Variants in TACC2 observed in about 807,000 individuals in gnomAD.
TACC2 encodes the protein transforming acidic coiled-coil containing protein 2.
In TACC2, 137 loss-of-function variants were observed where a neutral mutation model predicts 227.3. That is an observed-to-expected ratio of 0.60 (90% CI 0.52 to 0.69). The LOEUF (loss-of-function observed/expected upper bound fraction) is 0.69. Ranked by LOEUF, TACC2 falls within the 30% of genes least tolerant of loss-of-function variation. The probability of loss-of-function intolerance (pLI) is 0.00; values close to 1 mark genes in which losing one functional copy is unlikely to be tolerated. For synonymous variants in TACC2, 1,523 were observed against 1,487.5 expected (o/e 1.02, Z -0.55); for missense variants, 3,470 against 3,694.4 (o/e 0.94, Z 1.57).
intron 6 of TACC2, among the ~76,000 whole-genome samples, chr10:122,133,950 G>T (rs2138905374): frequency 6.6e-6 from 1 of 152,318 alleles, no homozygotes; most frequent in South Asian, 2.1e-4. Flanking sequence ...CAGGGACCTG[G>T]GGGCTGGCCC....
intron 3 of TACC2, among the ~76,000 whole-genome samples, chr10:122,073,106 C>CAAAAAAAAA (rs1164376721): frequency 1.5e-4 from 3 of 19,422 alleles, no homozygotes; most frequent in African/African-American, 2.3e-4. Context: ...GACTCTGTCT[C>CAAAAAAAAA]AAAAAAAAAA....
Position 122,083,873 on chromosome 10 carries a change from A to G in TACC2, c.1373A>G (p.Lys458Arg). ...ATGCCAGTTTCTGCAGATGCAGCCA[A>G]AGAGGTGGTGGATGCAGGGTTGGTG... ...AGMPVSADAA[K>R]EVVDAGLVGL... The change falls in exon 4 of 23, where the codon AAA (lysine) becomes AGA (arginine). Residue 458 changes from lysine (K) to arginine (R), a missense_variant. Around this residue, in one of 10 missense-constraint regions of TACC2, gnomAD observed 1,924 missense variants for 1,978.3 expected, o/e 0.97. Coordinates refer to ENST00000369005, the MANE Select transcript of TACC2 (RefSeq NM_206862.4). 1.9e-6 allele frequency: 3 copies of G among 1,614,146 alleles called. No homozygotes were observed. The highest frequency in any genetic ancestry group is 2.5e-6 in the Non-Finnish European group (3 of 1,180,024).
intron 3 of TACC2, among the ~76,000 whole-genome samples, chr10:122,069,029 G>T (rs1227604216): frequency 1.0e-5 from 1 of 99,916 alleles, no homozygotes; most frequent in Non-Finnish European, 2.1e-5. Flanking sequence ...CTTACCTTAG[G>T]GGGTTTCTAC....
At chr10:122,003,744 C>A (rs1288970957) in intron 1 of TACC2, among the ~76,000 whole-genome samples, 1 of 152,038 alleles carries the variant, frequency 6.6e-6, no homozygotes, top group African/African-American at 2.4e-5. Flanking sequence ...CGAGCTCTGC[C>A]TCCCGGGTTC....
At chr10:122,160,095 A>G (rs1029506122) in intron 7 of TACC2, among the ~76,000 whole-genome samples, 11 of 152,228 alleles carry the variant, frequency 7.2e-5, no homozygotes, top group Admixed American at 1.3e-4. Context: ...TCACAAAGTA[A>G]TGTGAGAATA....
chr10:122,192,892 G>A lies in TACC2; in HGVS notation c.5835-2148G>A. 1.2e-5 allele frequency: 5 copies of A among 411,666 alleles called. No homozygotes were observed. In the Admixed American group the frequency reaches 1.2e-4, roughly 10 times the overall value. The allele number at this position is 411,666 out of a possible 1,614,324, so 25.5% of individuals were successfully genotyped here. A position where few individuals can be genotyped will look rare whatever the true frequency, so the allele number is the denominator to read the frequency against. On this transcript the variant is annotated intron_variant, in intron 7 of 22. Transcript: ENST00000369005. ...CTGGGTTCCCGGGGCAGCACCCGGGGCAGCACCCAGGGCTCGCCAGGCTGA... is the reference window on the plus strand; with the variant it reads ...CTGGGTTCCCGGGGCAGCACCCGGGACAGCACCCAGGGCTCGCCAGGCTGA...
Position 122,195,159 on chromosome 10 carries a change from C to T in TACC2, c.5954C>T (p.Pro1985Leu). 6.2e-7 allele frequency: 1 copy of T among 1,611,806 alleles called. No homozygotes were observed. Among genetic ancestry groups the T allele is most frequent in the Non-Finnish European group, 8.5e-7 (1 of 1,178,578 alleles). ...CCAGAACCCGAGGTCAGCACACAGC[C>T]ACCCCCGGAAGAACCAGGTAACCAA... ...VIPEPEVSTQ[P>L]PPEEPGCGSE... The change falls in exon 8 of 23, where the codon CCA becomes CTA. Residue 1985 changes from proline (P) to leucine (L), a missense_variant. Pro to Leu is a moderately conservative substitution (Grantham distance 98, BLOSUM62 -3). Coordinates refer to ENST00000369005, the MANE Select transcript of TACC2 (RefSeq NM_206862.4).
At chr10:122,152,266 C>T (rs1204427957) in intron 7 of TACC2, among the ~76,000 whole-genome samples, 1 of 152,164 alleles carries the variant, frequency 6.6e-6, no homozygotes, top group Non-Finnish European at 1.5e-5. Flanking sequence ...GCCTGCCTTT[C>T]TTGGGTTTAG....
chr10:122,039,990 T>C (rs975512607), intron 2 of TACC2, among the ~76,000 whole-genome samples: 4 of 152,114 alleles, frequency 2.6e-5, no homozygotes, highest in African/African-American at 9.7e-5. Context: ...CCCAGCCCCT[T>C]GTGGGTGCCT....
intron 7 of TACC2, among the ~76,000 whole-genome samples, chr10:122,160,005 T>C (rs1049333292): frequency 2.0e-5 from 3 of 152,216 alleles, no homozygotes; most frequent in Non-Finnish European, 4.4e-5. Context: ...TCTGTGGGAC[T>C]GAAGAGGCTG....
rs115880388 is a variant in TACC2 at position 122,226,451 on chromosome 10, G to A, written c.7694G>A (p.Arg2565His). 6.8e-6 allele frequency: 11 copies of A among 1,613,828 alleles called. No homozygotes were observed. The highest frequency in any genetic ancestry group is 4.0e-5 in the African/African-American group (3 of 75,026). Residue 2565 changes from arginine (R) to histidine (H), a missense_variant, in exon 13 of 23, where the codon CGC becomes CAC. Around this residue, in one of 10 missense-constraint regions of TACC2, gnomAD observed 345 missense variants for 354.4 expected, o/e 0.97. Coordinates refer to ENST00000369005, the MANE Select transcript of TACC2 (RefSeq NM_206862.4). ...QESPVKSSPV[R>H]MSESPTPCSG... ...AGCCCTGTCAAGTCATCTCCCGTCC[G>A]CATGTCAGAGTCCCCGACGCCGTGT...
intron 2 of TACC2, among the ~76,000 whole-genome samples, chr10:122,029,788 G>A (rs1318545683): frequency 6.6e-6 from 1 of 152,026 alleles, no homozygotes; most frequent in Non-Finnish European, 1.5e-5. Context: ...TTGGCCTTTA[G>A]TCCTGCTCAT....
intron 7 of TACC2, among the ~76,000 whole-genome samples, chr10:122,155,600 G>A (rs958904257): frequency 2.6e-5 from 4 of 152,168 alleles, no homozygotes; most frequent in Non-Finnish European, 5.9e-5. Flanking sequence ...GGTTTAGAAT[G>A]GAACTGGGCT....
intron 1 of TACC2, among the ~76,000 whole-genome samples, chr10:122,000,888 T>A (rs1199525608): frequency 6.6e-6 from 1 of 152,206 alleles, no homozygotes; most frequent in Non-Finnish European, 1.5e-5. Context: ...AGTCATGTGA[T>A]CTTGGCTCAC....
intron 3 of TACC2, among the ~76,000 whole-genome samples, chr10:122,063,353 C>A (rs557082563): frequency 1.1e-4 from 17 of 152,308 alleles, no homozygotes; most frequent in African/African-American, 3.1e-4. Context: ...GAGCAGCCTC[C>A]GCCCCTCCTT....
At chr10:122,031,084 A>G (rs1440478950) in intron 2 of TACC2, among the ~76,000 whole-genome samples, 1 of 152,142 alleles carries the variant, frequency 6.6e-6, no homozygotes, top group Non-Finnish European at 1.5e-5. Context: ...TGGCCTGGCC[A>G]TTTAGCCTTC....
rs768766027 is a variant in TACC2 at position 122,084,049 on chromosome 10, C to G, written c.1549C>G (p.Pro517Ala). Residue 517 changes from proline (P) to alanine (A), a missense_variant, in exon 4 of 23, where the codon CCT becomes GCT. Physicochemically the swap from Pro to Ala is conservative, Grantham distance 27. Around this residue, in one of 10 missense-constraint regions of TACC2, gnomAD observed 1,924 missense variants for 1,978.3 expected, o/e 0.97. Coordinates refer to ENST00000369005, the MANE Select transcript of TACC2 (RefSeq NM_206862.4). ...GGTCCAACCAGGAGTACCACCCCCTCCTCTTCCCAAGGAGCAAAGCCATGA... is the reference window on the plus strand; with the variant it reads ...GGTCCAACCAGGAGTACCACCCCCTGCTCTTCCCAAGGAGCAAAGCCATGA... Reference protein sequence around the residue: ...HEVQPGVPPPPLPKEQSHEVQ... With the variant: ...HEVQPGVPPPALPKEQSHEVQ... The G allele has an allele frequency of 1.2e-6, 2 of 1,614,094 alleles. No individual in the cohort carries two copies. The highest frequency in any genetic ancestry group is 1.1e-5 in the South Asian group (1 of 91,078).
At chr10:122,179,953 G>A (rs541910254) in intron 7 of TACC2, among the ~76,000 whole-genome samples, 3 of 152,000 alleles carry the variant, frequency 2.0e-5, no homozygotes, top group South Asian at 2.1e-4. Flanking sequence ...GAGTGGTGGC[G>A]TGTATCCATG....
At chr10:122,017,448 C>T (rs1168723965) in intron 1 of TACC2, among the ~76,000 whole-genome samples, 3 of 148,070 alleles carry the variant, frequency 2.0e-5, no homozygotes, top group Non-Finnish European at 4.5e-5. Context: ...TGTTTTGCCG[C>T]CTGTTGAAGA....
Sources: allele counts gnomAD v4.1 joint callset (sites outside exome capture counted in the v4.1 genomes callset), GRCh38; gene constraint gnomAD v4.1.1; regional missense constraint gnomAD v4.1.1; transcripts MANE v1.5; gene names NCBI Gene and HGNC (gene_info 2026-07-23, HGNC 2026-07-21).